STK32B: variants seen among roughly 807,000 people sequenced by gnomAD.
STK32B encodes serine/threonine-protein kinase 32B.
STK32B carries 43 observed loss-of-function variants against 52.6 expected under a neutral mutation model. The ratio of observed to expected loss-of-function variants is 0.82; its 90% CI spans 0.64 to 1.05. STK32B has a LOEUF of 1.05. Ranked by LOEUF, STK32B falls within the 50% of genes least tolerant of loss-of-function variation. The pLI is 0.00. For synonymous variants in STK32B, 238 were observed against 204.3 expected (o/e 1.17, Z -1.41); for missense variants, 621 against 534.6 (o/e 1.16, Z -1.59).
At chr4:5,258,727 G>A (rs1435370495) in intron 3 of STK32B, among the ~76,000 whole-genome samples, 2 of 152,170 alleles carry the variant, frequency 1.3e-5, no homozygotes, top group East Asian at 1.9e-4. Context: ...CTGGGTGATT[G>A]TAACAGCTTC....
At chr4:5,426,701 A>AAAAAAAAAAAAAAAAAAAAAC (rs1713135472) in intron 6 of STK32B, among the ~76,000 whole-genome samples, 1 of 146,466 alleles carries the variant, frequency 6.8e-6, no homozygotes, top group African/African-American at 2.5e-5. Context: ...ACAAAAAAAA[A>AAAAAAAAAAAAAAAAAAAAAC]AAAAAAAAAA....
chr4:5,436,778 G>C (rs1375264345), intron 6 of STK32B: 8 of 628,228 alleles, frequency 1.3e-5, no homozygotes, highest in Non-Finnish European at 1.6e-5. Flanking sequence ...TTGACCTCAG[G>C]GGTACTACTG....
At chr4:5,021,124 C>G in the STK32B span, among the ~76,000 whole-genome samples, 2 of 152,228 alleles carry the variant, frequency 1.3e-5, no homozygotes, top group African/African-American at 4.8e-5. Flanking sequence ...TCCAGCTTGT[C>G]CCCACTGTAT....
chr4:5,157,037 C>A (rs1717912261), intron 2 of STK32B, among the ~76,000 whole-genome samples: 1 of 151,916 alleles, frequency 6.6e-6, no homozygotes, highest in African/African-American at 2.4e-5. Context: ...AATTTAGTGC[C>A]CAGACTGTAA....
At chr4:5,122,274 T>C (rs368559601) in intron 1 of STK32B, among the ~76,000 whole-genome samples, 1 of 152,048 alleles carries the variant, frequency 6.6e-6, no homozygotes, top group East Asian at 1.9e-4. Flanking sequence ...ATTCATTCAT[T>C]CACTCACCCA....
intron 3 of STK32B, among the ~76,000 whole-genome samples, chr4:5,187,533 G>C (rs996831275): frequency 2.2e-5 from 3 of 137,682 alleles, no homozygotes; most frequent in African/African-American, 7.9e-5. Flanking sequence ...TCAGTACTGG[G>C]ATTAAAAGCA....
At chr4:5,415,334 C>A (rs1560392965) in intron 5 of STK32B, among the ~76,000 whole-genome samples, 1 of 152,102 alleles carries the variant, frequency 6.6e-6, no homozygotes, top group African/African-American at 2.4e-5. Context: ...GAAACTGAAG[C>A]CCAGGGAGAT....
At chr4:5,405,855 A>T (rs1737624867) in intron 5 of STK32B, among the ~76,000 whole-genome samples, 1 of 152,134 alleles carries the variant, frequency 6.6e-6, no homozygotes, top group Admixed American at 6.5e-5. Flanking sequence ...AAACACAGAC[A>T]CACACCGTAT....
At chr4:5,486,899 A>C (rs1324658534) in intron 11 of STK32B, among the ~76,000 whole-genome samples, 1 of 152,238 alleles carries the variant, frequency 6.6e-6, no homozygotes, top group Non-Finnish European at 1.5e-5. Flanking sequence ...GAGAAGTTTC[A>C]CTGGCACCAG....
rs150236714 is a variant in STK32B, at chr4:5,464,930, T to C, written c.910-1773T>C. On this transcript the variant is annotated intron_variant, in intron 9 of 11. Coordinates refer to ENST00000282908, the MANE Select transcript of STK32B (RefSeq NM_018401.3). Reference sequence around the variant, plus strand: ...GAGAGACCTGGGCCTGAGATTCAACTTGCTCCTTAGGGGAGGGCAACTTCT... The same window carrying C: ...GAGAGACCTGGGCCTGAGATTCAACCTGCTCCTTAGGGGAGGGCAACTTCT... Among the ~76,000 whole-genome samples, 822 of 152,228 alleles carry C rather than the reference T, an allele frequency of 5.4e-3. 12 individuals carry two copies. Among genetic ancestry groups the C allele is most frequent in the African/African-American group, 0.019 (787 of 41,512 alleles).
chr4:5,381,732 G>C (rs1182558026), intron 4 of STK32B, among the ~76,000 whole-genome samples: 2 of 152,152 alleles, frequency 1.3e-5, no homozygotes, highest in African/African-American at 4.8e-5. Flanking sequence ...CTCCCACCCT[G>C]TGTCCTTGGG....
the STK32B span, among the ~76,000 whole-genome samples, chr4:5,024,104 C>T: frequency 1.3e-5 from 2 of 152,206 alleles, no homozygotes; most frequent in African/African-American, 4.8e-5. Context: ...ATCTCTTTCT[C>T]TGTTCTATAT....
intron 5 of STK32B, among the ~76,000 whole-genome samples, chr4:5,409,605 TC>T: frequency 6.6e-6 from 1 of 152,254 alleles, no homozygotes; most frequent in East Asian, 1.9e-4. Flanking sequence ...CCATGCAGCA[TC>T]AGCTCAAACT....
At chr4:5,498,368 T>C (rs375225534) in intron 11 of STK32B, among the ~76,000 whole-genome samples, 2 of 151,880 alleles carry the variant, frequency 1.3e-5, no homozygotes, top group African/African-American at 4.9e-5. Context: ...TAGTTTGTAA[T>C]AGGATATTTT....
At chr4:5,021,206 G>A in the STK32B span, among the ~76,000 whole-genome samples, 151 of 152,340 alleles carry the variant, frequency 9.9e-4, no homozygotes, top group African/African-American at 3.4e-3. Context: ...CACGCTGGGC[G>A]ATGTCTGAGG....
At chr4:5,109,390 T>G (rs1202458160) in intron 1 of STK32B, among the ~76,000 whole-genome samples, 1 of 152,098 alleles carries the variant, frequency 6.6e-6, no homozygotes, top group African/African-American at 2.4e-5. Flanking sequence ...AGACAGACAG[T>G]GGAGCTAACA....
chr4:5,309,719 TA>T (rs1730165280), intron 3 of STK32B, among the ~76,000 whole-genome samples: 1 of 152,188 alleles, frequency 6.6e-6, no homozygotes, highest in Non-Finnish European at 1.5e-5. Context: ...TCTCATTATA[TA>T]AAAACCAACT....
intron 3 of STK32B, among the ~76,000 whole-genome samples, chr4:5,287,145 T>C (rs897587548): frequency 2.0e-5 from 3 of 152,168 alleles, no homozygotes; most frequent in Non-Finnish European, 4.4e-5. Flanking sequence ...TTGTTGGATC[T>C]CTGGGCATGT....
At position 5,480,030 on chromosome 4, in the gene STK32B, T is replaced by C. The variant is rs192338185; in HGVS notation, c.1106+11960T>C. Among the ~76,000 whole-genome samples, 432 of 152,296 alleles carry C rather than the reference T, an allele frequency of 2.8e-3. 7 individuals are homozygous for C. The highest frequency in any genetic ancestry group is 1.3e-3 in the Non-Finnish European group (88 of 68,028). ...AAATGGGGTATTAATATGTACTTCA[T>C]AGGATTGTCGTAAGAACAAATGGCA... On this transcript the variant is annotated intron_variant, in intron 11 of 11. Coordinates refer to ENST00000282908, the MANE Select transcript of STK32B (RefSeq NM_018401.3).
Sources: gnomAD v4.1 joint callset for allele counts (sites outside exome capture counted in the v4.1 genomes callset) on GRCh38, gnomAD v4.1.1 for gene constraint, MANE v1.5 for transcripts, NCBI Gene and HGNC (gene_info 2026-07-23, HGNC 2026-07-21) for gene names.